Variants in PLEKHH2 observed in about 807,000 individuals in gnomAD.
The protein encoded by PLEKHH2 is pleckstrin homology, MyTH4 and FERM domain containing H2, also known as pleckstrin homology domain-containing family H member 2.
A neutral mutation model predicts 187.9 loss-of-function variants in PLEKHH2; 129 were observed. The ratio of observed to expected loss-of-function variants is 0.69; its 90% confidence interval spans 0.59 to 0.79. The LOEUF (loss-of-function observed/expected upper bound fraction) is 0.79. PLEKHH2 is among the 30% of genes least tolerant of loss of function. The pLI, the probability that PLEKHH2 is intolerant of heterozygous loss-of-function variation, is 0.00. For synonymous variants in PLEKHH2, 686 were observed against 605.6 expected (o/e 1.13, Z -1.95); for missense variants, 2,076 against 1,751.2 (o/e 1.19, Z -3.31).
At chr2:43,683,532 T>C (rs1281251166) in intron 3 of PLEKHH2, among the ~76,000 whole-genome samples, 1 of 152,172 alleles carries the variant, frequency 6.6e-6, no homozygotes, top group Non-Finnish European at 1.5e-5. Flanking sequence ...TTTTAATTTA[T>C]AGGGTCTTTT....
Position 43,699,992 on chromosome 2 carries a change from G to T in PLEKHH2, c.1034G>T (p.Arg345Ile). Residue 345 changes from arginine to isoleucine, a missense_variant, in exon 8 of 30, where the codon AGA (arginine) becomes ATA (isoleucine). Transcript: ENST00000282406. The part of the protein sequence containing the change: ...IFEEETFGIK[R>I]PEHKKLYSWQ... ...GAGGAAGAGACTTTTGGCATAAAGA[G>T]ACCAGAACACAAGAAGCTATATTCT... 1 of 1,614,162 alleles carries T rather than the reference G, an allele frequency of 6.2e-7. No individual in the cohort carries two copies. Among genetic ancestry groups the T allele is most frequent in the Non-Finnish European group, 8.5e-7 (1 of 1,180,026 alleles).
At position 43,715,149 on chromosome 2, in the gene PLEKHH2, A is replaced by G. The variant is rs147361755; in HGVS notation, c.2460+2766A>G. Among the ~76,000 whole-genome samples, 802 of 151,916 alleles carry G rather than the reference A, an allele frequency of 5.3e-3. 13 individuals carry two copies. Among genetic ancestry groups the G allele is most frequent in the African/African-American group, 0.018 (744 of 41,416 alleles). On this transcript the variant is annotated intron_variant, in intron 15 of 29. Transcript: ENST00000282406. Reference sequence around the variant, plus strand: ...AAATTAACCAGGCATGCTGGCGGGCACCTGTAATCCCAGCTACTCGGGAGG... The same window carrying G: ...AAATTAACCAGGCATGCTGGCGGGCGCCTGTAATCCCAGCTACTCGGGAGG...
intron 25 of PLEKHH2, among the ~76,000 whole-genome samples, chr2:43,754,788 A>G (rs991390610): frequency 6.8e-6 from 1 of 147,456 alleles, no homozygotes; most frequent in African/African-American, 2.5e-5. Flanking sequence ...CATTCTTTTT[A>G]TTCTATGCAC....
intron 2 of PLEKHH2, among the ~76,000 whole-genome samples, chr2:43,671,191 T>A (rs748300293): frequency 6.6e-6 from 1 of 152,096 alleles, no homozygotes; most frequent in Non-Finnish European, 1.5e-5. Context: ...TTTACCATGT[T>A]GGCCAGGCTG....
intron 3 of PLEKHH2, chr2:43,680,938 T>G: frequency 1.2e-6 from 1 of 830,940 alleles, no homozygotes; most frequent in South Asian, 1.8e-5. Flanking sequence ...CCACTTTAGT[T>G]GCAATTATTT....
intron 21 of PLEKHH2, chr2:43,741,448 G>A (rs1224559933): frequency 1.3e-5 from 2 of 153,904 alleles, no homozygotes; most frequent in African/African-American, 2.4e-5. Flanking sequence ...TTTTCTAATT[G>A]TATGTATTTG....
intron 6 of PLEKHH2, among the ~76,000 whole-genome samples, chr2:43,695,483 T>A (rs1161826330): frequency 1.3e-5 from 2 of 152,232 alleles, no homozygotes; most frequent in Admixed American, 1.3e-4. Context: ...GACCAAATAC[T>A]AATTTTGCCT....
intron 29 of PLEKHH2, among the ~76,000 whole-genome samples, chr2:43,764,705 C>T (rs6743607): frequency 0.019 from 2,897 of 152,220 alleles, 102 homozygotes; most frequent in African/African-American, 0.065. Context: ...GTTATTGCTG[C>T]CTGGTACTTT....
intron 15 of PLEKHH2, among the ~76,000 whole-genome samples, chr2:43,716,822 G>A (rs1276633975): frequency 1.3e-5 from 2 of 152,084 alleles, no homozygotes; most frequent in African/African-American, 2.4e-5. Flanking sequence ...ATAATATAAT[G>A]AGCCCTCATA....
At chr2:43,740,592 G>A (rs1052996789) in intron 20 of PLEKHH2, among the ~76,000 whole-genome samples, 3 of 152,128 alleles carry the variant, frequency 2.0e-5, no homozygotes, top group Middle Eastern at 3.4e-3. Flanking sequence ...TGCAATCTGC[G>A]TTTCTCAAAA....
intron 24 of PLEKHH2, among the ~76,000 whole-genome samples, chr2:43,750,156 C>CA (rs1056896130): frequency 2.0e-5 from 3 of 151,790 alleles, no homozygotes; most frequent in Admixed American, 2.0e-4. Context: ...ATGTTCACAC[C>CA]AAAAAAAATT....
chr2:43,766,003 GC>G lies in PLEKHH2; in HGVS notation c.*407del, dbSNP rs1672607613. The stretch of plus-strand genomic sequence containing the variant: ...AGTTGATTATTTGGAAATGTTCACT[GC>G]CAAAATAGTAAGTGCTATAACTAAA... On this transcript the variant is annotated 3_prime_UTR_variant, in exon 30 of 30. Coordinates refer to ENST00000282406, the MANE Select transcript of PLEKHH2 (RefSeq NM_172069.4). 6.1e-6 allele frequency: 1 copy of G among 164,652 alleles called. No homozygotes were observed. Among genetic ancestry groups the G allele is most frequent in the Admixed American group, 6.0e-5 (1 of 16,738 alleles). 10.2% of individuals were successfully genotyped at this position (164,652 alleles called of 1,614,324 possible). A position where few individuals can be genotyped will look rare whatever the true frequency, so the allele number is the denominator to read the frequency against.
In PLEKHH2 at chr2:43,765,519, G is replaced by C. The variant is rs758923851; in HGVS notation, c.4403G>C (p.Arg1468Pro). 6.2e-7 allele frequency: 1 copy of C among 1,613,726 alleles called. No homozygotes were observed. The highest frequency in any genetic ancestry group is 1.3e-5 in the African/African-American group (1 of 74,824). The part of the protein sequence containing the change: ...SAPALLSAQT[R>P]GPQARMMGSQ... Reference sequence around the variant, plus strand: ...CCAGCACTGCTCTCAGCCCAGACCCGGGGACCCCAAGCCAGAATGATGGGA... The same window carrying C: ...CCAGCACTGCTCTCAGCCCAGACCCCGGGACCCCAAGCCAGAATGATGGGA... Residue 1468 changes from arginine to proline, a missense_variant, in exon 30 of 30, where the codon CGG (arginine) becomes CCG (proline). Transcript: ENST00000282406.
intron 24 of PLEKHH2, among the ~76,000 whole-genome samples, chr2:43,750,657 A>G (rs1218890046): frequency 6.6e-6 from 1 of 152,114 alleles, no homozygotes. Context: ...TTGAGGTACT[A>G]TTATTATTTC....
At chr2:43,693,723 C>CAAAAACAAAAAAAAAAAAAAA (rs1668948458) in intron 4 of PLEKHH2, among the ~76,000 whole-genome samples, 1 of 69,708 alleles carries the variant, frequency 1.4e-5, no homozygotes, top group African/African-American at 6.6e-5. Flanking sequence ...GACTCCATCT[C>CAAAAACAAAAAAAAAAAAAAA]AAAAAAAAAA....
chr2:43,677,061 T>C (rs1303314215), intron 2 of PLEKHH2, among the ~76,000 whole-genome samples: 3 of 152,218 alleles, frequency 2.0e-5, no homozygotes, highest in African/African-American at 4.8e-5. Context: ...GAGGTATATA[T>C]GTAGTCCTTG....
At chr2:43,747,111 T>TCTCTCTCTCTCC (rs1671815929) in intron 24 of PLEKHH2, among the ~76,000 whole-genome samples, 1 of 77,754 alleles carries the variant, frequency 1.3e-5, no homozygotes, top group South Asian at 4.5e-4. Flanking sequence ...TCTCTCTCCC[T>TCTCTCTCTCTCC]CTCTCTCTCT....
chr2:43,640,115 C>G (rs898321466), intron 1 of PLEKHH2, among the ~76,000 whole-genome samples: 1 of 151,978 alleles, frequency 6.6e-6, no homozygotes, highest in Non-Finnish European at 1.5e-5. Context: ...GGCATATGAC[C>G]CAGCAACTCC....
chr2:43,656,934 G>A (rs751404424), intron 2 of PLEKHH2, among the ~76,000 whole-genome samples: 1 of 152,160 alleles, frequency 6.6e-6, no homozygotes, highest in Non-Finnish European at 1.5e-5. Flanking sequence ...CAGAAGAATC[G>A]CTTGAGCCCG....
Sources: gnomAD v4.1 joint callset for allele counts (sites outside exome capture counted in the v4.1 genomes callset) on GRCh38, gnomAD v4.1.1 for gene constraint, MANE v1.5 for transcripts, NCBI Gene and HGNC (gene_info 2026-07-23, HGNC 2026-07-21) for gene names.